The following HNRNPL variants were observed in gnomAD, a reference collection of about 807,000 sequenced individuals.
HNRNPL encodes epididymis secretory sperm binding protein.
Under a neutral mutation model 64.0 loss-of-function variants are expected in HNRNPL, and 12 were observed. The observed-to-expected ratio is 0.19, with a 90% CI of 0.12 to 0.30. The LOEUF (loss-of-function observed/expected upper bound fraction) is 0.30. Among genes scored for constraint, HNRNPL ranks in the 10% least tolerant of loss-of-function variants. The pLI, the probability that HNRNPL is intolerant of heterozygous loss-of-function variation, is 1.00. For missense variants in HNRNPL, 484 were observed against 797.4 expected (o/e 0.61, Z 4.73); for synonymous variants, 385 against 313.0 (o/e 1.23, Z -2.43).
chr19:38,841,421 A>G (rs1972114961), intron 6 of HNRNPL: 2 of 367,094 alleles, frequency 5.4e-6, no homozygotes, highest in African/African-American at 4.2e-5. Flanking sequence ...ACAAAGCAAG[A>G]CAGTGGCTGA....
intron 1 of HNRNPL, chr19:38,847,777 G>A (rs531358460): frequency 5.8e-6 from 1 of 171,868 alleles, no homozygotes; most frequent in East Asian, 1.5e-4. Flanking sequence ...CATGGGAAAA[G>A]AGTAGCTGGA....
chr19:38,838,701 C>A, intron 9 of HNRNPL, 103 bp from the exon 10 acceptor site: 1 of 1,334,422 alleles, frequency 7.5e-7, no homozygotes, highest in South Asian at 1.2e-5. Context: ...TGCCTTGGGG[C>A]ATTGCTCTAC....
intron 8 of HNRNPL, among the ~76,000 whole-genome samples, chr19:38,839,825 T>C (rs1488199392): frequency 6.6e-6 from 1 of 152,204 alleles, no homozygotes; most frequent in Non-Finnish European, 1.5e-5. Context: ...TTCATTTTTA[T>C]GTTTTATAAA....
intron 1 of HNRNPL, among the ~76,000 whole-genome samples, chr19:38,848,249 CCTGG>C (rs1568375320): frequency 6.6e-6 from 1 of 152,148 alleles, no homozygotes; most frequent in African/African-American, 2.4e-5. Context: ...CGCCACCACA[CCTGG>C]CTAATTTTTT....
chr19:38,837,345 G>A, intron 12 of HNRNPL, 39 bp downstream of exon 12: 1 of 1,527,786 alleles, frequency 6.5e-7, no homozygotes, highest in Non-Finnish European at 9.1e-7. Context: ...AACCCATTAG[G>A]TCACCAGGTT....
Position 38,848,864 on chromosome 19 carries a change from G to T in HNRNPL, c.267+836C>A, listed in dbSNP as rs190245552. On this transcript the variant is annotated intron_variant, in intron 1 of 12. Coordinates refer to ENST00000221419, the MANE Select transcript of HNRNPL (RefSeq NM_001533.3). ...TGTGGGACAAGGCCAAGATTAAAAC[G>T]CTAGCAACTCGTAACCCCTAAACCC... Among the ~76,000 whole-genome samples, 206 of 152,234 alleles carry T rather than the reference G, an allele frequency of 1.4e-3. 1 individual carries two copies. The highest frequency in any genetic ancestry group is 4.6e-3 in the African/African-American group (192 of 41,526).
chr19:38,841,282 C>T (rs1252212906), intron 6 of HNRNPL: 2 of 329,462 alleles, frequency 6.1e-6, no homozygotes, highest in South Asian at 2.4e-5. Flanking sequence ...TTACAGACAT[C>T]ACAGCTTCTG....
At chr19:38,840,664 A>G in intron 6 of HNRNPL, 105 bp from the exon 7 acceptor site, 2 of 870,968 alleles carry the variant, frequency 2.3e-6, no homozygotes, top group Middle Eastern at 3.3e-4. Flanking sequence ...GCCAACTGCA[A>G]GCCCTCCCTT....
Position 38,840,388 on chromosome 19 carries a change from G to T in HNRNPL, c.953-12C>A. 1 of 1,560,250 alleles carries T rather than the reference G, an allele frequency of 6.4e-7. No individual in the cohort carries two copies. Among genetic ancestry groups the T allele is most frequent in the Non-Finnish European group, 8.7e-7 (1 of 1,152,382 alleles). ...ACCGTGGGGCCCTCCTGGGGGGTGG[G>T]AAGGAAAGAGAGGGAGGACGGGTGA... On this transcript the variant is annotated splice_polypyrimidine_tract_variant and intron_variant, in intron 7 of 12. Coordinates refer to ENST00000221419, the MANE Select transcript of HNRNPL (RefSeq NM_001533.3).
At chr19:38,851,550 GA>G, upstream of HNRNPL, among the ~76,000 whole-genome samples, 1 of 152,326 alleles carries the variant, frequency 6.6e-6, no homozygotes, top group South Asian at 2.1e-4. Context: ...AGTGCTCCAG[GA>G]CCTTTCTGCC....
At chr19:38,851,996 C>G (rs553836885), upstream of HNRNPL, among the ~76,000 whole-genome samples, 5 of 151,776 alleles carry the variant, frequency 3.3e-5, no homozygotes, top group African/African-American at 4.8e-5. Flanking sequence ...GGGGTCGCTC[C>G]GTCCCAACGT....
Position 38,849,942 on chromosome 19 carries a change from C to T in HNRNPL, c.25G>A (p.Ala9Thr). The T allele has an allele frequency of 7.3e-7, 1 of 1,370,764 alleles. No individual in the cohort carries two copies. Among genetic ancestry groups the T allele is most frequent in the Non-Finnish European group, 9.6e-7 (1 of 1,045,590 alleles). 84.9% of individuals were successfully genotyped at this position (1,370,764 alleles called of 1,614,324 possible). Reference sequence around the variant, plus strand: ...TCCAGCCGCCGACGCCGCTTCTCCGCCCGGGGCAGCAGCCTCCGCGACATG... The same window carrying T: ...TCCAGCCGCCGACGCCGCTTCTCCGTCCGGGGCAGCAGCCTCCGCGACATG... MSRRLLPR[A>T]EKRRRRLEQR... is the part of the protein sequence containing the mutation. Residue 9 changes from alanine to threonine, a missense_variant, in exon 1 of 13, where the codon GCG becomes ACG. Ala to Thr is a moderately conservative substitution (Grantham distance 58). Coordinates refer to ENST00000221419, the MANE Select transcript of HNRNPL (RefSeq NM_001533.3).
At chr19:38,848,091 G>A (rs572301153) in intron 1 of HNRNPL, among the ~76,000 whole-genome samples, 68 of 150,664 alleles carry the variant, frequency 4.5e-4, no homozygotes, top group Non-Finnish European at 7.9e-4. Flanking sequence ...GACAAGAAAA[G>A]TCTTTTATTT....
At chr19:38,850,645 C>G (rs929459082), upstream of HNRNPL, among the ~76,000 whole-genome samples, 1 of 152,200 alleles carries the variant, frequency 6.6e-6, no homozygotes, top group Admixed American at 6.5e-5. Flanking sequence ...AGAGGCGGGG[C>G]CCCCTTATGG....
At chr19:38,841,638 GCA>G (rs1972121635) in intron 6 of HNRNPL, 1 of 1,284,096 alleles carries the variant, frequency 7.8e-7, no homozygotes, top group Non-Finnish European at 1.0e-6. Flanking sequence ...CAGTGAGTTA[GCA>G]CAGTTCTGAA....
At chr19:38,838,789 T>C in intron 9 of HNRNPL, 105 bp downstream of exon 9, 1 of 1,452,242 alleles carries the variant, frequency 6.9e-7, no homozygotes, top group African/African-American at 1.4e-5. Flanking sequence ...ATCCCATTTC[T>C]GTGTGAGTCA....
At chr19:38,846,502 G>A (rs948634821) in intron 2 of HNRNPL, among the ~76,000 whole-genome samples, 2 of 152,240 alleles carry the variant, frequency 1.3e-5, no homozygotes, top group Admixed American at 6.5e-5. Flanking sequence ...AGGAGCAGTA[G>A]TAGCTCATGC....
At chr19:38,850,140 C>G, upstream of HNRNPL, 1 of 505,720 alleles carries the variant, frequency 2.0e-6, no homozygotes, top group Middle Eastern at 5.2e-4. Context: ...GAGGGCCCGC[C>G]CTTGTTTGTC....
Position 38,840,378 on chromosome 19 carries a change from T to TG in HNRNPL, c.953-3dup. 4 of 1,541,502 alleles carry TG rather than the reference T, an allele frequency of 2.6e-6. No individual in the cohort carries two copies. Among genetic ancestry groups the TG allele is most frequent in the East Asian group, 2.3e-5 (1 of 43,670 alleles). ...TGTGGTACCCACCGTGGGGCCCTCC[T>TG]GGGGGGTGGGAAGGAAAGAGAGGGA... On this transcript the variant is annotated splice_region_variant and splice_polypyrimidine_tract_variant and intron_variant, in intron 7 of 12. Transcript: ENST00000221419.
Sources: gnomAD v4.1 joint callset for allele counts (sites outside exome capture counted in the v4.1 genomes callset) on GRCh38, gnomAD v4.1.1 for gene constraint, MANE v1.5 for transcripts, NCBI Gene and HGNC (gene_info 2026-07-23, HGNC 2026-07-21) for gene names.